The following ADCY2 variants were observed in gnomAD, a reference collection of about 807,000 sequenced individuals.
The protein encoded by ADCY2 is adenylate cyclase 2.
Under a neutral mutation model 125.2 loss-of-function variants are expected in ADCY2, and 31 were observed. The ratio of observed to expected loss-of-function variants is 0.25; its 90% CI spans 0.19 to 0.33. ADCY2 has a LOEUF of 0.33. ADCY2 is among the 10% of genes least tolerant of loss of function. ADCY2 has a pLI of 1.00. For synonymous variants in ADCY2, 512 were observed against 548.4 expected (o/e 0.93, Z 0.93); for missense variants, 904 against 1,418.2 (o/e 0.64, Z 5.82).
At chr5:7,691,578 A>T (rs914495029) in intron 5 of ADCY2, 1 of 151,962 alleles carries the variant, frequency 6.6e-6, no homozygotes, top group South Asian at 2.1e-4. Flanking sequence ...TGTCCCTCCC[A>T]TTTCTCTCCT....
Position 7,427,960 on chromosome 5 carries a change from T to A in ADCY2, c.408+13190T>A, listed in dbSNP as rs117511709. On this transcript the variant is annotated intron_variant, in intron 2 of 24. Coordinates refer to ENST00000338316, the MANE Select transcript of ADCY2 (RefSeq NM_020546.3). ...CTAAATGCAATTGTGGAGCCCCTTG[T>A]TAAAAAATTATTAAGCATTTCAGAA... Among the ~76,000 whole-genome samples, 18 of 152,318 alleles carry A rather than the reference T, an allele frequency of 1.2e-4. No individual in the cohort carries two copies. The East Asian group carries it at 2.3e-3, about 20-fold the overall frequency.
intron 2 of ADCY2, among the ~76,000 whole-genome samples, chr5:7,452,060 AC>A (rs1485915709): frequency 6.6e-5 from 10 of 152,082 alleles, no homozygotes; most frequent in African/African-American, 2.4e-4. Flanking sequence ...ACAGGTGAGC[AC>A]CACCACATTT....
At chr5:7,486,902 A>G (rs1273586116) in intron 2 of ADCY2, among the ~76,000 whole-genome samples, 1 of 152,182 alleles carries the variant, frequency 6.6e-6, no homozygotes, top group East Asian at 1.9e-4. Flanking sequence ...GTTGGAGGTC[A>G]GGGTTCCTTG....
intron 4 of ADCY2, among the ~76,000 whole-genome samples, chr5:7,660,549 A>G (rs1370896837): frequency 6.6e-6 from 1 of 152,196 alleles, no homozygotes; most frequent in Non-Finnish European, 1.5e-5. Flanking sequence ...TGAGATCTGT[A>G]AGGCAGGCCA....
intron 16 of ADCY2, among the ~76,000 whole-genome samples, chr5:7,761,143 C>A (rs796116633): frequency 1.5e-5 from 1 of 64,542 alleles, no homozygotes; most frequent in Non-Finnish European, 2.9e-5. Context: ...CTTTTCTTTT[C>A]TTTTCTTTTT....
At chr5:7,803,627 G>A (rs1744669513) in intron 21 of ADCY2, among the ~76,000 whole-genome samples, 1 of 152,170 alleles carries the variant, frequency 6.6e-6, no homozygotes, top group Admixed American at 6.5e-5. Context: ...GGCCAGCTGT[G>A]GTGGCTTGTG....
At chr5:7,482,840 G>T (rs781441386) in intron 2 of ADCY2, among the ~76,000 whole-genome samples, 1 of 148,508 alleles carries the variant, frequency 6.7e-6, no homozygotes, top group African/African-American at 2.5e-5. Flanking sequence ...ATGCTATTCA[G>T]TCATAAAGAT....
intron 14 of ADCY2, among the ~76,000 whole-genome samples, chr5:7,735,835 G>C (rs939177453): frequency 6.6e-6 from 1 of 152,174 alleles, no homozygotes; most frequent in Non-Finnish European, 1.5e-5. Context: ...GCTTCAGAAC[G>C]AGTTAAGAAC....
In ADCY2 at chr5:7,602,826, G is replaced by A. The variant is rs190181590; in HGVS notation, c.571-23341G>A. 5.9e-5 allele frequency among the ~76,000 whole-genome samples: 9 copies of A among 152,198 alleles called. No homozygotes were observed. The East Asian group carries it at 1.7e-3, about 29-fold the overall frequency. On this transcript the variant is annotated intron_variant, in intron 3 of 24. Coordinates refer to ENST00000338316, the MANE Select transcript of ADCY2 (RefSeq NM_020546.3). ...AGGCTGTGTTTACTGACTCAATTGG[G>A]CTGTTCCAAATATATGAGTCAGCCT... is the stretch of plus-strand genomic sequence containing the variant.
chr5:7,612,746 G>A (rs1737608228), intron 3 of ADCY2, among the ~76,000 whole-genome samples: 1 of 152,202 alleles, frequency 6.6e-6, no homozygotes, highest in Non-Finnish European at 1.5e-5. Context: ...GCCGGGCTTG[G>A]TGGCTCACGC....
At chr5:7,445,504 C>T (rs1741210550) in intron 2 of ADCY2, among the ~76,000 whole-genome samples, 1 of 152,004 alleles carries the variant, frequency 6.6e-6, no homozygotes, top group South Asian at 2.1e-4. Flanking sequence ...GACTTCCTAC[C>T]CTCAGAAAAA....
intron 2 of ADCY2, among the ~76,000 whole-genome samples, chr5:7,485,101 CACTA>C (rs1281026905): frequency 2.0e-5 from 3 of 152,148 alleles, no homozygotes; most frequent in Admixed American, 6.5e-5. Context: ...ACTTACATGT[CACTA>C]ACTAAATTCA....
At chr5:7,454,015 C>T (rs1458849035) in intron 2 of ADCY2, among the ~76,000 whole-genome samples, 2 of 152,116 alleles carry the variant, frequency 1.3e-5, no homozygotes, top group African/African-American at 4.8e-5. Context: ...ACTGCTTTTC[C>T]CTGGTGCTGG....
intron 4 of ADCY2, among the ~76,000 whole-genome samples, chr5:7,649,418 T>C (rs575240824): frequency 6.6e-6 from 1 of 152,332 alleles, no homozygotes; most frequent in East Asian, 1.9e-4. Flanking sequence ...AAACAGCTCT[T>C]ACTAAGCTAC....
intron 14 of ADCY2, among the ~76,000 whole-genome samples, chr5:7,733,826 A>C (rs1003119144): frequency 6.6e-6 from 1 of 152,034 alleles, no homozygotes; most frequent in Non-Finnish European, 1.5e-5. Flanking sequence ...TAAAGGTAGA[A>C]CTCTTCTTAC....
At chr5:7,653,593 C>T (rs1364820940) in intron 4 of ADCY2, among the ~76,000 whole-genome samples, 2 of 150,210 alleles carry the variant, frequency 1.3e-5, no homozygotes, top group Admixed American at 6.6e-5. Flanking sequence ...GGTGACAGAG[C>T]GAGACTCTGT....
At chr5:7,436,504 T>C (rs1740806874) in intron 2 of ADCY2, among the ~76,000 whole-genome samples, 1 of 152,214 alleles carries the variant, frequency 6.6e-6, no homozygotes, top group Non-Finnish European at 1.5e-5. Context: ...AGCCTATTGT[T>C]GACATATAGT....
intron 15 of ADCY2, among the ~76,000 whole-genome samples, chr5:7,747,250 C>T (rs1317596967): frequency 6.6e-6 from 1 of 152,222 alleles, no homozygotes; most frequent in Non-Finnish European, 1.5e-5. Context: ...CTTGAAACTG[C>T]ACCAAGCCCT....
intron 3 of ADCY2, among the ~76,000 whole-genome samples, chr5:7,575,749 T>TA (rs1736225974): frequency 6.6e-6 from 1 of 152,176 alleles, no homozygotes; most frequent in African/African-American, 2.4e-5. Context: ...ACTGTATTTT[T>TA]ATATTCAAAT....
Sources: allele counts gnomAD v4.1 joint callset (sites outside exome capture counted in the v4.1 genomes callset), GRCh38; gene constraint gnomAD v4.1.1; transcripts MANE v1.5; gene names NCBI Gene and HGNC (gene_info 2026-07-23, HGNC 2026-07-21).